The following RNF6 variants were observed in gnomAD, a reference collection of about 807,000 sequenced individuals.
The protein encoded by RNF6 is ring finger protein 6, also known as E3 ubiquitin-protein ligase RNF6.
RNF6 carries 21 observed loss-of-function variants against 50.1 expected under a neutral mutation model. That is an observed-to-expected ratio of 0.42 (90% CI 0.30 to 0.60). The LOEUF is 0.60. RNF6 is among the 20% of genes least tolerant of loss of function. The probability of loss-of-function intolerance (pLI) is 0.20; values close to 1 mark genes in which losing one functional copy is unlikely to be tolerated. For synonymous variants in RNF6, 255 were observed against 291.8 expected (o/e 0.87, Z 1.29); for missense variants, 698 against 838.2 (o/e 0.83, Z 2.07).
chr13:26,214,217 G>A lies in RNF6; in HGVS notation c.1665C>T (p.Thr555=), dbSNP rs1869572240. 1.2e-6 allele frequency: 2 copies of A among 1,614,130 alleles called. No homozygotes were observed. The highest frequency in any genetic ancestry group is 1.1e-5 in the South Asian group (1 of 91,074). ...CACTGTTTCGAGTATGAGGCTGGGT[G>A]GTCTCGTTTTCACCATGCATTTCAG... ...DSTEMHGENE[T]TQPHTRNSDS... The change falls in exon 5 of 5, where the codon ACC becomes ACT. Residue 555 remains threonine (T), a synonymous_variant. Transcript: ENST00000381588.
intron 5 of RNF6, among the ~76,000 whole-genome samples, chr13:26,146,775 A>G (rs1304729076): frequency 2.0e-5 from 3 of 152,306 alleles, no homozygotes; most frequent in South Asian, 4.1e-4. Context: ...TGTCTGCTTA[A>G]TGGACCTGAT....
chr13:26,215,452 T>C lies in RNF6; in HGVS notation c.430A>G (p.Asn144Asp). ...WRAVSRTNPN[N>D]GEFRFSLEIH... ...TCCAAACTAAACCGAAACTCTCCAT[T>C]GTTCGGGTTTGTTCGACTCACAGCT... Residue 144 changes from asparagine to aspartate, a missense_variant, in exon 5 of 5, where the codon AAT (asparagine) becomes GAT (aspartate). Asn to Asp is a conservative substitution (Grantham distance 23). Transcript: ENST00000381588. 6.2e-7 allele frequency: 1 copy of C among 1,614,226 alleles called. No individual in the cohort carries two copies. The highest frequency in any genetic ancestry group is 8.5e-7 in the Non-Finnish European group (1 of 1,180,036).
At chr13:26,173,170 A>G (rs1872784689) in intron 5 of RNF6, among the ~76,000 whole-genome samples, 1 of 152,246 alleles carries the variant, frequency 6.6e-6, no homozygotes, top group Non-Finnish European at 1.5e-5. Context: ...AGAGAGAGCA[A>G]GTTTAGGCTG....
chr13:26,132,478 A>C (rs1347119802), intron 5 of RNF6: 1 of 457,034 alleles, frequency 2.2e-6, no homozygotes, highest in East Asian at 6.9e-5. Flanking sequence ...AAGAGAGAAA[A>C]ATAAAAGTAG....
chr13:26,187,072 C>A (rs907359557), intron 5 of RNF6, among the ~76,000 whole-genome samples: 1 of 151,792 alleles, frequency 6.6e-6, no homozygotes, highest in African/African-American at 2.4e-5. Context: ...CCACCGCGCC[C>A]GGCAAGCGTC....
chr13:26,203,885 G>A (rs949212305), intron 5 of RNF6, among the ~76,000 whole-genome samples: 1 of 152,114 alleles, frequency 6.6e-6, no homozygotes, highest in Non-Finnish European at 1.5e-5. Context: ...CCCGGGAGGC[G>A]GAGCTTGCAG....
At chr13:26,172,951 A>T (rs1183933481) in intron 5 of RNF6, among the ~76,000 whole-genome samples, 1 of 152,250 alleles carries the variant, frequency 6.6e-6, no homozygotes, top group East Asian at 1.9e-4. Flanking sequence ...AAATAGAAAC[A>T]TGAGCAAAAT....
At chr13:26,152,702 G>C (rs978230785) in intron 5 of RNF6, among the ~76,000 whole-genome samples, 3 of 152,112 alleles carry the variant, frequency 2.0e-5, no homozygotes, top group African/African-American at 7.2e-5. Context: ...TAGCTTCTAA[G>C]ACGTTTCTAT....
chr13:26,134,026 G>A (rs868506001), intron 5 of RNF6, among the ~76,000 whole-genome samples: 11 of 152,284 alleles, frequency 7.2e-5, no homozygotes, highest in Middle Eastern at 3.4e-3. Context: ...GAGGTATTGC[G>A]TCATTACTGC....
chr13:26,164,752 T>C (rs1372656194), intron 5 of RNF6, among the ~76,000 whole-genome samples: 1 of 152,156 alleles, frequency 6.6e-6, no homozygotes, highest in South Asian at 2.1e-4. Context: ...GATGAGATCT[T>C]GCTTTCCCAC....
chr13:26,207,740 A>G (rs561637079), intron 5 of RNF6, among the ~76,000 whole-genome samples: 5 of 152,320 alleles, frequency 3.3e-5, no homozygotes, highest in South Asian at 4.1e-4. Context: ...AAGGCTTATC[A>G]GTGTCTTGGT....
intron 5 of RNF6, among the ~76,000 whole-genome samples, chr13:26,195,719 T>A (rs900511663): frequency 2.6e-5 from 4 of 152,198 alleles, no homozygotes; most frequent in African/African-American, 4.8e-5. Flanking sequence ...AACAAGTATA[T>A]CTGTCTCCAG....
At chr13:26,170,285 A>G (rs762829287) in intron 5 of RNF6, among the ~76,000 whole-genome samples, 52 of 152,110 alleles carry the variant, frequency 3.4e-4, no homozygotes, top group Non-Finnish European at 7.1e-4. Context: ...ACTATTATCA[A>G]GCCAAAATTT....
intron 5 of RNF6, among the ~76,000 whole-genome samples, chr13:26,174,592 G>A (rs1872863131): frequency 6.6e-6 from 1 of 152,060 alleles, no homozygotes; most frequent in African/African-American, 2.4e-5. Flanking sequence ...GAATCCGGGA[G>A]GCGGAGACTC....
intron 5 of RNF6, among the ~76,000 whole-genome samples, chr13:26,206,636 T>C (rs1242402632): frequency 6.6e-6 from 1 of 152,220 alleles, no homozygotes; most frequent in Non-Finnish European, 1.5e-5. Context: ...ATTATTTCTA[T>C]GGGAAATGTG....
chr13:26,210,990 G>C (rs1355473198), downstream of RNF6, among the ~76,000 whole-genome samples: 2 of 152,188 alleles, frequency 1.3e-5, no homozygotes, highest in East Asian at 1.9e-4. Context: ...TAAAGAACAA[G>C]CTCTACGGAC....
At chr13:26,132,924 T>TG (rs149687473) in intron 5 of RNF6, among the ~76,000 whole-genome samples, 3,055 of 152,164 alleles carry the variant, frequency 0.02, 46 homozygotes, top group South Asian at 0.054. Context: ...GGTTCTGCGG[T>TG]GGGGGGTGCC....
chr13:26,141,356 A>C (rs1870937975), intron 5 of RNF6, among the ~76,000 whole-genome samples: 2 of 149,884 alleles, frequency 1.3e-5, no homozygotes, highest in Admixed American at 1.3e-4. Flanking sequence ...TGAACCTGGG[A>C]GGTGGAGATT....
At chr13:26,187,309 G>A (rs1037745139) in intron 5 of RNF6, among the ~76,000 whole-genome samples, 16 of 152,346 alleles carry the variant, frequency 1.1e-4, no homozygotes, top group African/African-American at 3.4e-4. Flanking sequence ...GGCACAAGAA[G>A]GGGGAAACGT....
Sources: gnomAD v4.1 joint callset for allele counts (sites outside exome capture counted in the v4.1 genomes callset) on GRCh38, gnomAD v4.1.1 for gene constraint, MANE v1.5 for transcripts, NCBI Gene and HGNC (gene_info 2026-07-23, HGNC 2026-07-21) for gene names.